Variants in KCNJ6 observed in about 807,000 individuals in gnomAD.
KCNJ6 encodes potassium inwardly rectifying channel subfamily J member 6, also known as G protein-activated inward rectifier potassium channel 2.
A neutral mutation model predicts 34.2 loss-of-function variants in KCNJ6; 9 were observed. The observed-to-expected ratio is 0.26, with a 90% CI of 0.16 to 0.46. The LOEUF (loss-of-function observed/expected upper bound fraction) is 0.46. KCNJ6 is among the 20% of genes least tolerant of loss of function. KCNJ6 has a pLI of 1.00. For synonymous variants in KCNJ6, 196 were observed against 207.1 expected (o/e 0.95, Z 0.46); for missense variants, 236 against 531.3 (o/e 0.44, Z 5.46).
intron 2 of KCNJ6, among the ~76,000 whole-genome samples, chr21:37,756,461 A>T (rs951468937): frequency 1.3e-5 from 2 of 152,198 alleles, no homozygotes; most frequent in Non-Finnish European, 2.9e-5. Flanking sequence ...AGTCTGGGTG[A>T]GGGGTCCAAC....
intron 1 of KCNJ6, among the ~76,000 whole-genome samples, chr21:37,841,026 C>A (rs1452591189): frequency 6.6e-6 from 1 of 152,062 alleles, no homozygotes; most frequent in Non-Finnish European, 1.5e-5. Flanking sequence ...CATCCATATG[C>A]CAATTTTTTT....
At chr21:37,840,830 A>C in intron 1 of KCNJ6, 121 bp from the exon 2 acceptor site, 1 of 590,886 alleles carries the variant, frequency 1.7e-6, no homozygotes, top group African/African-American at 1.9e-5. Flanking sequence ...TTGGTTTCCA[A>C]TAATTAAATG....
intron 1 of KCNJ6, among the ~76,000 whole-genome samples, chr21:37,843,556 C>A (rs1487787751): frequency 1.3e-5 from 2 of 152,206 alleles, no homozygotes; most frequent in African/African-American, 4.8e-5. Flanking sequence ...ACATTTCATT[C>A]TTGGTCCCAA....
rs1556008423 is a variant in KCNJ6, at chr21:37,614,493, C to CGTGTATGCATGTGT, written c.*10652_*10665dup. The CGTGTATGCATGTGT allele has an allele frequency of 3.7e-4, 20 of 54,612 alleles. No homozygotes were observed. Among genetic ancestry groups the CGTGTATGCATGTGT allele is most frequent in the Non-Finnish European group, 5.6e-4 (15 of 26,644 alleles). The allele number at this position is 54,612 out of a possible 1,614,324, so 3.4% of individuals were successfully genotyped here. ...GTGTGTGTATGCATGTGTCTGTGTG[C>CGTGTATGCATGTGT]GTGTATGCATGTGTCTCTGTATGCA... On this transcript the variant is annotated 3_prime_UTR_variant, in exon 4 of 4. Transcript: ENST00000609713.
chr21:37,840,572 G>C (rs538680503), intron 2 of KCNJ6, 86 bp downstream of exon 2: 1 of 872,112 alleles, frequency 1.1e-6, no homozygotes, highest in East Asian at 2.5e-5. Context: ...GGACAAATCA[G>C]ATCATCACAC....
chr21:37,793,803 CA>C (rs890590510), intron 2 of KCNJ6, among the ~76,000 whole-genome samples: 3 of 152,186 alleles, frequency 2.0e-5, no homozygotes, highest in Non-Finnish European at 4.4e-5. Context: ...CACACATGGA[CA>C]CACAGCTTCT....
intron 2 of KCNJ6, among the ~76,000 whole-genome samples, chr21:37,803,916 G>A: frequency 6.6e-6 from 1 of 152,070 alleles, no homozygotes; most frequent in Non-Finnish European, 1.5e-5. Flanking sequence ...GCGTCCTTTT[G>A]GGGAAAGCTT....
chr21:37,898,217 T>C, intron 1 of KCNJ6, among the ~76,000 whole-genome samples: 1 of 152,232 alleles, frequency 6.6e-6, no homozygotes, highest in South Asian at 2.1e-4. Context: ...TGAGTGGCCA[T>C]GAAATGGGCT....
chr21:37,893,712 G>C (rs2055774213), intron 1 of KCNJ6, among the ~76,000 whole-genome samples: 1 of 13,126 alleles, frequency 7.6e-5, no homozygotes. Flanking sequence ...TACTACCTTG[G>C]GTTCTGGATT....
At chr21:37,858,953 G>A (rs2055578929) in intron 1 of KCNJ6, among the ~76,000 whole-genome samples, 1 of 152,116 alleles carries the variant, frequency 6.6e-6, no homozygotes, top group African/African-American at 2.4e-5. Context: ...ATACTTTATG[G>A]TAGGGAGACA....
intron 3 of KCNJ6, among the ~76,000 whole-genome samples, chr21:37,655,289 A>G (rs1413763210): frequency 1.5e-5 from 2 of 137,344 alleles, no homozygotes; most frequent in Non-Finnish European, 3.1e-5. Flanking sequence ...GAGAGAGTGT[A>G]ACCATGAAGA....
intron 2 of KCNJ6, among the ~76,000 whole-genome samples, chr21:37,800,902 C>T (rs1384713963): frequency 2.0e-5 from 3 of 152,156 alleles, no homozygotes; most frequent in South Asian, 2.1e-4. Flanking sequence ...ACTGGATTAT[C>T]GGGTAGGATC....
intron 2 of KCNJ6, among the ~76,000 whole-genome samples, chr21:37,776,513 G>A (rs955709770): frequency 9.9e-5 from 15 of 152,106 alleles, no homozygotes; most frequent in African/African-American, 3.6e-4. Context: ...ATTATTTTGA[G>A]ATACGTCCCA....
intron 2 of KCNJ6, among the ~76,000 whole-genome samples, chr21:37,747,653 G>C (rs1045492107): frequency 6.6e-6 from 1 of 152,132 alleles, no homozygotes; most frequent in Non-Finnish European, 1.5e-5. Flanking sequence ...GAGAACGAGA[G>C]AGATGGCAAT....
intron 3 of KCNJ6, among the ~76,000 whole-genome samples, chr21:37,710,240 TA>T (rs2054744402): frequency 6.6e-6 from 1 of 152,230 alleles, no homozygotes; most frequent in African/African-American, 2.4e-5. Context: ...TGTTGGATCT[TA>T]ATTTATTGGT....
chr21:37,623,566 T>C lies in KCNJ6; in HGVS notation c.*1593A>G, dbSNP rs1269217386. The C allele has an allele frequency of 1.3e-5, 2 of 152,216 alleles. No individual in the cohort carries two copies. The highest frequency in any genetic ancestry group is 4.8e-5 in the African/African-American group (2 of 41,464). 9.4% of individuals were successfully genotyped at this position (152,216 alleles called of 1,614,324 possible). On this transcript the variant is annotated 3_prime_UTR_variant, in exon 4 of 4. Coordinates refer to ENST00000609713, the MANE Select transcript of KCNJ6 (RefSeq NM_002240.5). ...GATCTAAGATTTGTTTCCTTATTTT[T>C]TTCATTTTAAAATTCAGATTTCCAG...
chr21:37,889,570 G>A (rs1326002758), intron 1 of KCNJ6, among the ~76,000 whole-genome samples: 3 of 152,296 alleles, frequency 2.0e-5, no homozygotes, highest in Admixed American at 2.0e-4. Flanking sequence ...CAACCTGGGT[G>A]GCTTTAACAA....
At chr21:37,760,098 G>A (rs1045212393) in intron 2 of KCNJ6, among the ~76,000 whole-genome samples, 4 of 152,208 alleles carry the variant, frequency 2.6e-5, no homozygotes, top group African/African-American at 4.8e-5. Flanking sequence ...CGAGCCTTCA[G>A]ATAACTGCAG....
At chr21:37,799,363 C>T (rs2055258642) in intron 2 of KCNJ6, among the ~76,000 whole-genome samples, 1 of 152,112 alleles carries the variant, frequency 6.6e-6, no homozygotes, top group South Asian at 2.1e-4. Flanking sequence ...TTGAAGGGGG[C>T]AGAAAGGGAG....
Sources: gnomAD v4.1 joint callset for allele counts (sites outside exome capture counted in the v4.1 genomes callset) on GRCh38, gnomAD v4.1.1 for gene constraint, MANE v1.5 for transcripts, NCBI Gene and HGNC (gene_info 2026-07-23, HGNC 2026-07-21) for gene names.